The following ZP2 variants were observed in gnomAD, a reference collection of about 807,000 sequenced individuals.
The protein encoded by ZP2 is zona pellucida glycoprotein 2, also known as zona pellucida sperm-binding protein 2.
ZP2 carries 51 observed loss-of-function variants against 84.0 expected under a neutral mutation model. The ratio of observed to expected loss-of-function variants is 0.61; its 90% CI spans 0.49 to 0.77. The LOEUF (loss-of-function observed/expected upper bound fraction) is 0.77, where lower values mean the gene tolerates loss of function less well. ZP2 is among the 30% of genes least tolerant of loss of function. The pLI is 0.00. For missense variants in ZP2, 909 were observed against 911.9 expected, an observed-to-expected ratio of 1.00 and a Z score of 0.04; for synonymous variants, 375 against 330.9, an observed-to-expected ratio of 1.13 and a Z score of -1.45.
chr16:21,204,790 AAG>A (rs2093242055), intron 7 of ZP2, among the ~76,000 whole-genome samples: 1 of 152,178 alleles, frequency 6.6e-6, no homozygotes, highest in Admixed American at 6.5e-5. Flanking sequence ...GACCTGTCCT[AAG>A]TACTTTAGGA....
At chr16:21,207,395 G>A (rs1031092134) in intron 4 of ZP2, among the ~76,000 whole-genome samples, 4 of 152,010 alleles carry the variant, frequency 2.6e-5, no homozygotes, top group African/African-American at 9.7e-5. Flanking sequence ...TAAAAGCAGG[G>A]GTCAGCCAAC....
chr16:21,206,867 A>T lies in ZP2; in HGVS notation c.454T>A (p.Ser152Thr). 6.2e-7 allele frequency: 1 copy of T among 1,614,168 alleles called. No homozygotes were observed. The highest frequency in any genetic ancestry group is 1.1e-5 in the South Asian group (1 of 91,084). ...QVEETQGLSA[S>T]TICQKDFMSF... Reference sequence around the variant, plus strand: ...ATGAAATCCTTCTGGCAGATTGTAGATGCTGAAAGCCCCTGGGTCTCTTCT... The same window carrying T: ...ATGAAATCCTTCTGGCAGATTGTAGTTGCTGAAAGCCCCTGGGTCTCTTCT... The change falls in exon 5 of 19, where the codon TCT (serine) becomes ACT (threonine). Residue 152 changes from serine to threonine, a missense_variant. Ser to Thr is a moderately conservative substitution (Grantham distance 58). Transcript: ENST00000574091.
intron 5 of ZP2, 125 bp from the exon 6 acceptor site, chr16:21,205,900 A>AGTCAGGGTTCATGTGC: frequency 1.1e-6 from 1 of 875,388 alleles, no homozygotes; most frequent in Non-Finnish European, 1.9e-6. Context: ...GAAGAAGCAC[A>AGTCAGGGTTCATGTGC]TGAACCCTGA....
Position 21,211,328 on chromosome 16 carries a change from A to AT in ZP2, c.129_130insA (p.Leu44IlefsTer14), listed in dbSNP as rs777401827. ...ATACCTGGAAAGGCAGGATTTACCA[A>AT]CTGAGAAACATCTATGGAGTTCCCT... On this transcript the variant is annotated frameshift_variant, in exon 2 of 19. Coordinates refer to ENST00000574091, the MANE Select transcript of ZP2 (RefSeq NM_001376232.1). LOFTEE classifies it high-confidence loss of function. 3 of 1,614,176 alleles carry AT rather than the reference A, an allele frequency of 1.9e-6. No individual in the cohort carries two copies. The highest frequency in any genetic ancestry group is 2.5e-6 in the Non-Finnish European group (3 of 1,180,020).
chr16:21,211,259 C>T (rs568129830), intron 2 of ZP2, 48 bp downstream of exon 2: 6 of 1,571,624 alleles, frequency 3.8e-6, no homozygotes, highest in Non-Finnish European at 5.2e-6. Flanking sequence ...CTTCCAGCTG[C>T]AACCTGTTTT....
At position 21,205,519 on chromosome 16, in the gene ZP2, G is replaced by A. The variant is rs2093245481; in HGVS notation, c.594C>T (p.Thr198=). 2 of 1,613,986 alleles carry A rather than the reference G, an allele frequency of 1.2e-6. No homozygotes were observed. The highest frequency in any genetic ancestry group is 2.7e-5 in the African/African-American group (2 of 75,002). Reference sequence around the variant, plus strand: ...AGCCTTCCTTCATGGCCTCTGGCAGGGTCAGAGTTTTGGCTCTTGCACCAT... The same window carrying A: ...AGCCTTCCTTCATGGCCTCTGGCAGAGTCAGAGTTTTGGCTCTTGCACCAT... ...VGDGARAKTL[T]LPEAMKEGFS... The change falls in exon 7 of 19, where the codon ACC becomes ACT. Residue 198 remains threonine, a synonymous_variant. Coordinates refer to ENST00000574091, the MANE Select transcript of ZP2 (RefSeq NM_001376232.1).
rs370244702 is a variant in ZP2 at position 21,210,135 on chromosome 16, G to A, written c.209C>T (p.Thr70Ile). 12 of 1,613,928 alleles carry A rather than the reference G, an allele frequency of 7.4e-6. No individual in the cohort carries two copies. In the African/African-American group the frequency reaches 1.2e-4, roughly 16 times the overall value. Residue 70 changes from threonine to isoleucine, a missense_variant, in exon 3 of 19, where the codon ACC (threonine) becomes ATC (isoleucine). Coordinates refer to ENST00000574091, the MANE Select transcript of ZP2 (RefSeq NM_001376232.1). ...ITVEFPSSPG[T>I]KKWHASVVDP... ...CACCACAGATGCATGCCATTTCTTG[G>A]TGCCAGGACTGCTTGGGAACTCCAC...
rs1183451091 is a variant in ZP2 at position 21,211,377 on chromosome 16, A to T, written c.81T>A (p.Ser27=). The part of the protein sequence containing the change: ...NAGWSTYRSI[S]LFFALVTSGN... ...CTGAAGTCACAAGGGCGAAGAAGAGAGAAATCGACCTGTAGGTGCTGGAAA... is the reference window on the plus strand; with the variant it reads ...CTGAAGTCACAAGGGCGAAGAAGAGTGAAATCGACCTGTAGGTGCTGGAAA... Residue 27 remains serine, a synonymous_variant, in exon 2 of 19, where the codon TCT becomes TCA. Transcript: ENST00000574091. 1 of 1,614,080 alleles carries T rather than the reference A, an allele frequency of 6.2e-7. No homozygotes were observed. Among genetic ancestry groups the T allele is most frequent in the Non-Finnish European group, 8.5e-7 (1 of 1,180,036 alleles).
Position 21,199,671 on chromosome 16 carries a change from A to G in ZP2, c.1831-5T>C, listed in dbSNP as rs1251331326. ...GGCACTGCAGTGGAAGTAGACCTGG[A>G]GACAGAAGAGAGTTACATGGAATCG... On this transcript the variant is annotated splice_polypyrimidine_tract_variant and splice_region_variant and intron_variant, in intron 15 of 18. Transcript: ENST00000574091. The G allele has an allele frequency of 1.2e-6, 2 of 1,602,576 alleles. No homozygotes were observed. Among genetic ancestry groups the G allele is most frequent in the Admixed American group, 1.7e-5 (1 of 59,734 alleles).
intron 7 of ZP2, 97 bp downstream of exon 7, chr16:21,205,323 T>C: frequency 7.0e-7 from 1 of 1,421,254 alleles, no homozygotes; most frequent in Admixed American, 1.9e-5. Flanking sequence ...AAATGGGTTG[T>C]ATTATAAATT....
chr16:21,197,564 A>T lies in ZP2; in HGVS notation c.2154T>A (p.Ala718=). 1 of 1,614,214 alleles carries T rather than the reference A, an allele frequency of 6.2e-7. No individual in the cohort carries two copies. The highest frequency in any genetic ancestry group is 8.5e-7 in the Non-Finnish European group (1 of 1,180,024). Residue 718 remains alanine (A), a synonymous_variant, in exon 19 of 19, where the codon GCT becomes GCA. Coordinates refer to ENST00000574091, the MANE Select transcript of ZP2 (RefSeq NM_001376232.1). ...CCACACCTGCAAAGGCAGCCACAGC[A>T]GCCACAGCTTTGGAACCAACATCTC... The part of the protein sequence containing the change: ...TAGDVGSKAV[A]AVAAFAGVVA...
At chr16:21,209,514 C>T (rs2093264885) in intron 4 of ZP2, 117 bp downstream of exon 4, 2 of 814,892 alleles carry the variant, frequency 2.5e-6, no homozygotes, top group Admixed American at 2.2e-5. Context: ...GAGACACCAC[C>T]CCCTTGGTTG....
rs113351773 is a variant in ZP2, at chr16:21,205,098, T to C, written c.693+322A>G. 2.8e-3 allele frequency among the ~76,000 whole-genome samples: 423 copies of C among 152,268 alleles called. 5 individuals are homozygous for C. The highest frequency in any genetic ancestry group is 8.4e-3 in the African/African-American group (351 of 41,554). On this transcript the variant is annotated intron_variant, in intron 7 of 18. Transcript: ENST00000574091. ...CCTGGGTTCAAGCGATTCTCCCACC[T>C]CAGCCTCCTGAGTAGTTGGGATTAT...
chr16:21,201,664 T>C, intron 13 of ZP2, 42 bp downstream of exon 13: 1 of 1,613,612 alleles, frequency 6.2e-7, no homozygotes, highest in Non-Finnish European at 8.5e-7. Context: ...TAGGGAGAAG[T>C]TTGAGATCAT....
In ZP2 at chr16:21,201,760, G is replaced by T. The variant is rs760475024; in HGVS notation, c.1450C>A (p.Pro484Thr). 1.5e-5 allele frequency: 25 copies of T among 1,613,978 alleles called. No individual in the cohort carries two copies. Among genetic ancestry groups the T allele is most frequent in the Non-Finnish European group, 2.0e-5 (24 of 1,180,018 alleles). The change falls in exon 13 of 19, where the codon CCA (proline) becomes ACA (threonine). Residue 484 changes from proline (P) to threonine (T), a missense_variant. By Grantham distance (38) the Pro-to-Thr change is conservative. Transcript: ENST00000574091. ...LNINVESLTPPVASVKLGPFT... is the reference protein window; with the variant it reads ...LNINVESLTPTVASVKLGPFT... Reference sequence around the variant, plus strand: ...GGACCCAACTTCACTGAGGCCACTGGAGGAGTAAGGCTTTCAACGTTGATG... The same window carrying T: ...GGACCCAACTTCACTGAGGCCACTGTAGGAGTAAGGCTTTCAACGTTGATG...
upstream of ZP2, chr16:21,211,727 C>T (rs747484510): frequency 5.2e-5 from 78 of 1,500,528 alleles, no homozygotes; most frequent in Admixed American, 1.4e-4. Flanking sequence ...CAGCTTGCGC[C>T]GGGTATTCTG....
intron 9 of ZP2, 51 bp downstream of exon 9, chr16:21,203,979 A>G (rs2093237732): frequency 6.3e-7 from 1 of 1,598,526 alleles, no homozygotes; most frequent in Non-Finnish European, 8.5e-7. Flanking sequence ...CCACAAGAGT[A>G]TACTTCAAGT....
chr16:21,206,773 TA>T, intron 5 of ZP2, 64 bp downstream of exon 5: 1 of 1,599,016 alleles, frequency 6.3e-7, no homozygotes. Flanking sequence ...CCGCCCTGGT[TA>T]GATCATCATC....
Position 21,202,126 on chromosome 16 carries a change from T to C in ZP2, c.1265A>G (p.Asn422Ser), listed in dbSNP as rs1387870524. The C allele has an allele frequency of 6.2e-7, 1 of 1,613,256 alleles. No individual in the cohort carries two copies. The highest frequency in any genetic ancestry group is 2.2e-5 in the East Asian group (1 of 44,892). ...AACCTTATATCTCGTTCCACATCCA[T>C]TCAGGGGTATGTGGAACCGTACCAG... Reference protein sequence around the residue: ...QGLVRFHIPLNGCGTRYKFED... With the variant: ...QGLVRFHIPLSGCGTRYKFED... Residue 422 changes from asparagine to serine, a missense_variant, in exon 11 of 19, where the codon AAT (asparagine) becomes AGT (serine). Physicochemically the swap from Asn to Ser is conservative, Grantham distance 46. Transcript: ENST00000574091.
Sources: gnomAD v4.1 joint callset for allele counts (sites outside exome capture counted in the v4.1 genomes callset) on GRCh38, gnomAD v4.1.1 for gene constraint, MANE v1.5 for transcripts, NCBI Gene and HGNC (gene_info 2026-07-23, HGNC 2026-07-21) for gene names.